DPP6: variants seen among roughly 807,000 people sequenced by gnomAD.
DPP6 encodes dipeptidyl peptidase like 6.
Under a neutral mutation model 122.6 loss-of-function variants are expected in DPP6, and 69 were observed. That is an observed-to-expected ratio of 0.56 (90% CI 0.46 to 0.69). DPP6 has a LOEUF of 0.69. DPP6 is among the 30% of genes least tolerant of loss of function. The pLI is 0.00. For missense variants in DPP6, 928 were observed against 1,116.9 expected, an observed-to-expected ratio of 0.83 and a Z score of 2.41; for synonymous variants, 418 against 433.1, an observed-to-expected ratio of 0.97 and a Z score of 0.43.
rs1480595827 is a variant in DPP6, at chr7:154,061,673, C to A, written c.243+8610C>A. On this transcript the variant is annotated intron_variant, in intron 1 of 25. Coordinates refer to ENST00000377770, the MANE Select transcript of DPP6 (RefSeq NM_130797.4). Reference sequence around the variant, plus strand: ...ACTCAGAGCCAACCCCTCTTCCCCCCCTGGCTCTTGGGACCACCATCGCAG... The same window carrying A: ...ACTCAGAGCCAACCCCTCTTCCCCCACTGGCTCTTGGGACCACCATCGCAG... Among the ~76,000 whole-genome samples, 247 of 141,608 alleles carry A rather than the reference C, an allele frequency of 1.7e-3. 7 individuals carry two copies. The East Asian group carries it at 0.031, about 18-fold the overall frequency. The allele number at this position is 141,608 out of a possible 152,430, so 92.9% of individuals were successfully genotyped here. A position where few individuals can be genotyped will look rare whatever the true frequency, so the allele number is the denominator to read the frequency against.
At chr7:153,786,792 G>C in the DPP6 span, among the ~76,000 whole-genome samples, 1 of 132,012 alleles carries the variant, frequency 7.6e-6, no homozygotes, top group Admixed American at 7.6e-5. Flanking sequence ...CCATCAGCTT[G>C]GGCAAATCAT....
chr7:154,434,817 G>T (rs866705138), intron 1 of DPP6, among the ~76,000 whole-genome samples: 6 of 152,020 alleles, frequency 3.9e-5, no homozygotes, highest in East Asian at 1.9e-4. Context: ...CAAGCAGAGA[G>T]AATTTATTTT....
At chr7:154,169,234 G>A (rs552324149) in intron 1 of DPP6, among the ~76,000 whole-genome samples, 2 of 152,288 alleles carry the variant, frequency 1.3e-5, no homozygotes, top group East Asian at 3.9e-4. Flanking sequence ...AACCCGGTTG[G>A]CCTGGTAGAG....
intron 4 of DPP6, among the ~76,000 whole-genome samples, chr7:154,563,150 A>T (rs944020196): frequency 6.6e-6 from 1 of 152,236 alleles, no homozygotes; most frequent in Admixed American, 6.5e-5. Context: ...TTAGAAGGTG[A>T]CTTGAGATAA....
intron 3 of DPP6, among the ~76,000 whole-genome samples, chr7:154,537,625 G>A (rs1828364070): frequency 6.6e-6 from 1 of 151,956 alleles, no homozygotes; most frequent in Non-Finnish European, 1.5e-5. Flanking sequence ...AGCAGGCAGA[G>A]GTTGCAGTGA....
upstream of DPP6, among the ~76,000 whole-genome samples, chr7:154,050,783 T>G (rs1265482570): frequency 3.6e-4 from 40 of 110,130 alleles, no homozygotes; most frequent in African/African-American, 1.5e-3. Context: ...TACTTGGTTT[T>G]GTATTTGCTA....
intron 1 of DPP6, among the ~76,000 whole-genome samples, chr7:154,414,709 T>C (rs1363335559): frequency 6.6e-6 from 1 of 152,224 alleles, no homozygotes; most frequent in Non-Finnish European, 1.5e-5. Flanking sequence ...GCTGGGGCTG[T>C]GTCTTCTGAA....
chr7:153,971,471 GA>G (rs1265234643), intron 1 of DPP6, among the ~76,000 whole-genome samples: 1 of 146,762 alleles, frequency 6.8e-6, no homozygotes, highest in Non-Finnish European at 1.5e-5. Context: ...ATGATGACTA[GA>G]AGTGTGAGAG....
At position 154,738,145 on chromosome 7, in the gene DPP6, C is replaced by G. The variant is rs540862495; in HGVS notation, c.883+10258C>G. 2.0e-5 allele frequency among the ~76,000 whole-genome samples: 3 copies of G among 152,330 alleles called. No individual in the cohort carries two copies. The East Asian group carries it at 5.8e-4, about 29-fold the overall frequency. On this transcript the variant is annotated intron_variant, in intron 8 of 25. Transcript: ENST00000377770. ...GATATGGTAAAGTCTCAGATGTCTG[C>G]GTGCCCAGCACAGAGAATTTACCAT... is the stretch of plus-strand genomic sequence containing the variant.
chr7:154,622,649 C>T (rs1834767454), intron 5 of DPP6, among the ~76,000 whole-genome samples: 1 of 152,194 alleles, frequency 6.6e-6, no homozygotes, highest in Admixed American at 6.5e-5. Context: ...ACTGTAGATA[C>T]ACGTGGATAC....
intron 7 of DPP6, among the ~76,000 whole-genome samples, chr7:154,709,188 C>T (rs764468322): frequency 1.1e-4 from 17 of 152,168 alleles, no homozygotes; most frequent in Non-Finnish European, 2.4e-4. Flanking sequence ...AAATGAAATA[C>T]AACAAAGTTG....
At chr7:154,575,594 ATG>A (rs1831596557) in intron 5 of DPP6, among the ~76,000 whole-genome samples, 1 of 73,820 alleles carries the variant, frequency 1.4e-5, no homozygotes, top group Non-Finnish European at 2.5e-5. Flanking sequence ...GAGCGGGTGT[ATG>A]TGTGTGGTGT....
Position 154,666,169 on chromosome 7 carries a change from A to G in DPP6, c.681-3191A>G, listed in dbSNP as rs1254863410. 2.2e-4 allele frequency among the ~76,000 whole-genome samples: 30 copies of G among 134,684 alleles called. No homozygotes were observed. In the Admixed American group the frequency reaches 2.2e-3, roughly 10 times the overall value. The allele number at this position is 134,684 out of a possible 152,430, so 88.4% of individuals were successfully genotyped here. On this transcript the variant is annotated intron_variant, in intron 6 of 25. Transcript: ENST00000377770. ...TATATAATTATATCATACTATATAC[A>G]TACATATATGTGTGTATATATATAT...
At chr7:154,316,609 G>T (rs1220578231) in intron 1 of DPP6, among the ~76,000 whole-genome samples, 2 of 152,192 alleles carry the variant, frequency 1.3e-5, no homozygotes, top group African/African-American at 4.8e-5. Context: ...TTTGAGGAAA[G>T]AAAGATGGGG....
At chr7:154,450,951 G>T (rs1338300728) in intron 2 of DPP6, among the ~76,000 whole-genome samples, 1 of 152,150 alleles carries the variant, frequency 6.6e-6, no homozygotes, top group Non-Finnish European at 1.5e-5. Context: ...TGGTTGTCTG[G>T]CACTCCCTTT....
At chr7:154,716,722 G>C (rs751030732) in intron 7 of DPP6, among the ~76,000 whole-genome samples, 4 of 147,596 alleles carry the variant, frequency 2.7e-5, no homozygotes, top group Non-Finnish European at 5.9e-5. Flanking sequence ...TGGTTTTCAA[G>C]ATAGCTCAAT....
intron 18 of DPP6, among the ~76,000 whole-genome samples, chr7:154,869,128 G>A (rs1489518421): frequency 6.6e-6 from 1 of 152,206 alleles, no homozygotes; most frequent in African/African-American, 2.4e-5. Context: ...TGAGCTGAAA[G>A]GGCAGGGGGA....
chr7:154,663,389 T>C (rs1837899816), intron 6 of DPP6, among the ~76,000 whole-genome samples: 1 of 46,824 alleles, frequency 2.1e-5, no homozygotes, highest in African/African-American at 4.1e-5. Flanking sequence ...CATGGCGTAT[T>C]GGCGCTAGTA....
At chr7:154,174,512 C>T (rs886668896) in intron 1 of DPP6, among the ~76,000 whole-genome samples, 19 of 152,138 alleles carry the variant, frequency 1.2e-4, no homozygotes, top group African/African-American at 3.4e-4. Context: ...TACACAAAGC[C>T]GTCACTCATC....
Sources: allele counts gnomAD v4.1 joint callset (sites outside exome capture counted in the v4.1 genomes callset), GRCh38; gene constraint gnomAD v4.1.1; transcripts MANE v1.5; gene names NCBI Gene and HGNC (gene_info 2026-07-23, HGNC 2026-07-21).